Variants in PPP4R2 observed in about 807,000 individuals in gnomAD.
The protein encoded by PPP4R2 is serine/threonine-protein phosphatase 4 regulatory subunit 2.
Under a neutral mutation model 47.2 loss-of-function variants are expected in PPP4R2, and 13 were observed. That is an observed-to-expected ratio of 0.28 (90% CI 0.18 to 0.44). The LOEUF (loss-of-function observed/expected upper bound fraction) is 0.44. PPP4R2 is among the 20% of genes least tolerant of loss of function. The pLI is 1.00. For missense variants in PPP4R2, 421 were observed against 491.2 expected, an observed-to-expected ratio of 0.86 and a Z score of 1.35; for synonymous variants, 151 against 163.3, an observed-to-expected ratio of 0.92 and a Z score of 0.57.
intron 2 of PPP4R2, among the ~76,000 whole-genome samples, chr3:73,023,226 C>G (rs574356949): frequency 1.3e-5 from 2 of 151,784 alleles, no homozygotes; most frequent in African/African-American, 4.8e-5. Flanking sequence ...TCTTGTTGCC[C>G]TGACTGGAGT....
At chr3:73,011,187 C>T (rs1452357399) in intron 2 of PPP4R2, among the ~76,000 whole-genome samples, 4 of 152,140 alleles carry the variant, frequency 2.6e-5, no homozygotes, top group African/African-American at 7.2e-5. Flanking sequence ...TGTTAGAATG[C>T]GGAGCTTTCA....
At chr3:73,041,633 C>G (rs1370466691) in intron 2 of PPP4R2, among the ~76,000 whole-genome samples, 1 of 152,106 alleles carries the variant, frequency 6.6e-6, no homozygotes, top group African/African-American at 2.4e-5. Context: ...ATTTGCTATC[C>G]TTTGGAGTAG....
At chr3:73,023,344 G>A (rs1236935973) in intron 2 of PPP4R2, among the ~76,000 whole-genome samples, 1 of 151,952 alleles carries the variant, frequency 6.6e-6, no homozygotes, top group African/African-American at 2.4e-5. Context: ...GCGCCACCAT[G>A]CCTGGCTAAT....
At chr3:72,997,180 A>AGTGCTTCCC in intron 1 of PPP4R2, 109 bp downstream of exon 1, 1 of 881,940 alleles carries the variant, frequency 1.1e-6, no homozygotes, top group Non-Finnish European at 1.5e-6. Context: ...GCGTGGGGAG[A>AGTGCTTCCC]GTGCTTCCCG....
At chr3:73,040,160 A>G (rs1421113786) in intron 2 of PPP4R2, among the ~76,000 whole-genome samples, 2 of 152,248 alleles carry the variant, frequency 1.3e-5, no homozygotes, top group East Asian at 1.9e-4. Context: ...GGTCAAAATC[A>G]GGTAAAAATA....
chr3:73,064,154 T>C lies in PPP4R2; in HGVS notation c.638+8T>C, dbSNP rs756073405. 7.5e-6 allele frequency: 12 copies of C among 1,596,228 alleles called. 1 individual carries two copies. The South Asian group carries it at 1.1e-4, about 15-fold the overall frequency. On this transcript the variant is annotated splice_region_variant and intron_variant, in intron 7 of 8. Transcript: ENST00000356692. ...TGAGGAGAAAAATCACAGGTTTGTA[T>C]GTTTTATATTTAAAAACAGTGTTTT...
intron 2 of PPP4R2, among the ~76,000 whole-genome samples, chr3:73,043,758 T>C (rs577222307): frequency 7.2e-5 from 11 of 152,238 alleles, no homozygotes; most frequent in African/African-American, 1.4e-4. Flanking sequence ...TATTGAAATA[T>C]ACCTAATGTA....
At chr3:73,005,297 G>A (rs1701584476) in intron 2 of PPP4R2, among the ~76,000 whole-genome samples, 1 of 149,150 alleles carries the variant, frequency 6.7e-6, no homozygotes, top group Admixed American at 6.7e-5. Flanking sequence ...AATCAATGTT[G>A]GATATTTTGG....
chr3:73,057,010 T>G (rs1232508825), intron 3 of PPP4R2, among the ~76,000 whole-genome samples: 3 of 152,100 alleles, frequency 2.0e-5, no homozygotes, highest in Non-Finnish European at 2.9e-5. Flanking sequence ...TTTTGTATAT[T>G]TTGAATAATA....
intron 2 of PPP4R2, among the ~76,000 whole-genome samples, chr3:73,014,163 T>G (rs537937771): frequency 7.6e-6 from 1 of 131,300 alleles, no homozygotes; most frequent in East Asian, 1.9e-4. Context: ...TTACTATGTT[T>G]GACAGATACT....
At chr3:73,014,965 AACTGCGGGGATTGCAG>A (rs1701793507) in intron 2 of PPP4R2, 1 of 694,226 alleles carries the variant, frequency 1.4e-6, no homozygotes, top group African/African-American at 1.8e-5. Flanking sequence ...CAACTTCCCA[AACTGCGGGGATTGCAG>A]ATGTAAGCAG....
At chr3:73,008,896 A>G (rs749598426) in intron 2 of PPP4R2, among the ~76,000 whole-genome samples, 3 of 152,192 alleles carry the variant, frequency 2.0e-5, no homozygotes, top group Non-Finnish European at 2.9e-5. Flanking sequence ...TCACGTAGTT[A>G]CTATATGACC....
At chr3:73,013,252 T>TATA (rs1164657053) in intron 2 of PPP4R2, among the ~76,000 whole-genome samples, 2 of 152,232 alleles carry the variant, frequency 1.3e-5, no homozygotes, top group African/African-American at 4.8e-5. Context: ...GGTAAAATTT[T>TATA]AAAAGTAGCT....
At chr3:73,033,811 T>C (rs1009734569) in intron 2 of PPP4R2, among the ~76,000 whole-genome samples, 1 of 152,232 alleles carries the variant, frequency 6.6e-6, no homozygotes, top group Non-Finnish European at 1.5e-5. Context: ...CTTCACGTAA[T>C]GCTTTCAGGG....
intron 5 of PPP4R2, chr3:73,062,004 T>C (rs1424772252): frequency 9.7e-7 from 1 of 1,027,312 alleles, no homozygotes; most frequent in South Asian, 1.7e-5. Flanking sequence ...AAGCAAAATA[T>C]GTTTTGTTTT....
chr3:73,028,203 G>A (rs1702103640), intron 2 of PPP4R2, among the ~76,000 whole-genome samples: 1 of 113,072 alleles, frequency 8.8e-6, no homozygotes, highest in Admixed American at 8.6e-5. Context: ...GTTGCAGTGA[G>A]CTGAGATCAC....
chr3:73,049,816 A>G (rs1372516457), intron 3 of PPP4R2, among the ~76,000 whole-genome samples: 3 of 151,358 alleles, frequency 2.0e-5, no homozygotes, highest in Non-Finnish European at 4.4e-5. Context: ...AAATATTTGT[A>G]ATTTCTTAAT....
In PPP4R2 at chr3:72,998,118, G is replaced by T; in HGVS notation, c.76G>T (p.Asp26Tyr). 6.2e-7 allele frequency: 1 copy of T among 1,609,060 alleles called. No individual in the cohort carries two copies. The highest frequency in any genetic ancestry group is 1.1e-5 in the South Asian group (1 of 89,376). The change falls in exon 2 of 9, where the codon GAT (aspartate) becomes TAT (tyrosine). Residue 26 changes from aspartate (D) to tyrosine (Y), a missense_variant. Coordinates refer to ENST00000356692, the MANE Select transcript of PPP4R2 (RefSeq NM_174907.4). The part of the protein sequence containing the change: ...RGKKEVCPVL[D>Y]QFLCHVAKTG... ...GAAAAAGGAAGTTTGTCCTGTCCTG[G>T]ATCAGTTTCTTTGTCATGTAGCCAA...
In PPP4R2 at chr3:73,054,270, G is replaced by C. The variant is rs186753489; in HGVS notation, c.288-4767G>C. The stretch of plus-strand genomic sequence containing the variant: ...GAACCCCAATGATGTAAGTAAACTA[G>C]TGTCTGCACCACTCCTTAACCCAAA... On this transcript the variant is annotated intron_variant, in intron 3 of 8. Coordinates refer to ENST00000356692, the MANE Select transcript of PPP4R2 (RefSeq NM_174907.4). Among the ~76,000 whole-genome samples the C allele has an allele frequency of 4.2e-3, 642 of 152,196 alleles. 2 individuals are homozygous for C. The highest frequency in any genetic ancestry group is 0.015 in the African/African-American group (611 of 41,514).
Sources: allele counts gnomAD v4.1 joint callset (sites outside exome capture counted in the v4.1 genomes callset), GRCh38; gene constraint gnomAD v4.1.1; transcripts MANE v1.5; gene names NCBI Gene and HGNC (gene_info 2026-07-23, HGNC 2026-07-21).